Variants in B9D1 observed in about 807,000 individuals in gnomAD.
The protein encoded by B9D1 is B9 domain-containing protein 1.
In B9D1, 20 loss-of-function variants were observed where a neutral mutation model predicts 26.1. That is an observed-to-expected ratio of 0.77 (90% CI 0.54 to 1.12). B9D1 has a LOEUF of 1.12. Ranked by LOEUF, B9D1 falls within the 50% of genes most tolerant of loss-of-function variation. B9D1 has a pLI of 0.00. For synonymous variants in B9D1, 105 were observed against 103.1 expected (o/e 1.02, Z -0.11); for missense variants, 260 against 273.7 (o/e 0.95, Z 0.35).
chr17:19,364,338 C>T (rs937901056), upstream of B9D1: 1 of 152,122 alleles, frequency 6.6e-6, no homozygotes, highest in African/African-American at 2.4e-5. This position sits in a 1 kb window ranked among gnomAD's most constrained non-coding sequence, Gnocchi z 4.3. Flanking sequence ...GGTGACCAGG[C>T]CTAACTTTAA....
rs894937321 is a variant in B9D1 at position 19,347,009 on chromosome 17, A to G, written c.404+260T>C. The G allele has an allele frequency of 3.9e-6, 6 of 1,541,772 alleles. No individual in the cohort carries two copies. The African/African-American group carries it at 6.9e-5, about 18-fold the overall frequency. On this transcript the variant is annotated intron_variant, in intron 5 of 6. Coordinates refer to ENST00000261499, the MANE Select transcript of B9D1 (RefSeq NM_015681.6). This position sits in a 1 kb window ranked among gnomAD's most constrained non-coding sequence, Gnocchi z 4.3. ...GTCATGAGCATTTTTCCCATCTGAC[A>G]AGAGTTTTTCCTCTGCTCCCTCAGA...
In B9D1 at chr17:19,370,293, G is replaced by A. The variant is rs561885736; in HGVS notation, c.-298+7566C>T. On this transcript the variant is annotated intron_variant, in intron 1 of 5. Coordinates refer to the B9D1 transcript ENST00000477478. This position sits in a 1 kb window ranked among gnomAD's most constrained non-coding sequence, Gnocchi z 5.1. ...TCAGGGTGCACACGGGGGAGATGTC[G>A]TAGGACAACTGGGTGTTGGATCTGG... 8.5e-5 allele frequency among the ~76,000 whole-genome samples: 13 copies of A among 152,234 alleles called. No individual in the cohort carries two copies. The highest frequency in any genetic ancestry group is 3.2e-3 in the Middle Eastern group (1 of 316).
Position 19,343,877 on chromosome 17 carries a change from C to T in B9D1, c.405-20G>A. 1 of 1,613,664 alleles carries T rather than the reference C, an allele frequency of 6.2e-7. No individual in the cohort carries two copies. Among genetic ancestry groups the T allele is most frequent in the African/African-American group, 1.3e-5 (1 of 75,030 alleles). On this transcript the variant is annotated intron_variant, in intron 5 of 6. Transcript: ENST00000261499. The stretch of plus-strand genomic sequence containing the variant: ...AACCAGCTGGGAACACAGAAGAACA[C>T]AGGTGAGCAGGGCCCCACCTGGGCA...
upstream of B9D1, among the ~76,000 whole-genome samples, chr17:19,364,804 C>T (rs1042025844): frequency 6.6e-6 from 1 of 152,260 alleles, no homozygotes; most frequent in South Asian, 2.1e-4. This position sits in a 1 kb window ranked among gnomAD's most constrained non-coding sequence, Gnocchi z 4.3. Flanking sequence ...CTCTGGTACA[C>T]TCCCACGCAG....
chr17:19,346,772 A>G (rs1908858314), intron 5 of B9D1, among the ~76,000 whole-genome samples: 1 of 152,148 alleles, frequency 6.6e-6, no homozygotes, highest in African/African-American at 2.4e-5. Flanking sequence ...CTTCTCTAGC[A>G]TGCTAAGCTC....
downstream of B9D1, chr17:19,337,680 G>C (rs748384183): frequency 2.5e-5 from 38 of 1,523,158 alleles, no homozygotes; most frequent in Non-Finnish European, 8.8e-6. Context: ...ACAGAAGTCA[G>C]TGACTCAGGG....
At chr17:19,335,605 A>C, downstream of B9D1, 6 of 686,216 alleles carry the variant, frequency 8.7e-6, no homozygotes, top group African/African-American at 3.6e-5. Context: ...AACAGTCCCT[A>C]GGCTAAGACA....
intron 5 of B9D1, among the ~76,000 whole-genome samples, chr17:19,345,286 C>G (rs1014270686): frequency 6.6e-6 from 1 of 152,218 alleles, no homozygotes; most frequent in African/African-American, 2.4e-5. Flanking sequence ...GGTTGAAGTT[C>G]ATTCTGACAG....
chr17:19,366,674 C>G (rs1490537901), upstream of B9D1, among the ~76,000 whole-genome samples: 1 of 152,202 alleles, frequency 6.6e-6, no homozygotes, highest in Non-Finnish European at 1.5e-5. Context: ...TCTCAAAGGC[C>G]TTATAGGTCT....
At chr17:19,345,364 G>A (rs1253729755) in intron 5 of B9D1, among the ~76,000 whole-genome samples, 2 of 152,194 alleles carry the variant, frequency 1.3e-5, no homozygotes, top group East Asian at 3.9e-4. Flanking sequence ...TTCTTGCTAT[G>A]TGAAGACTAG....
downstream of B9D1, among the ~76,000 whole-genome samples, chr17:19,340,520 C>T (rs919008569): frequency 6.6e-6 from 1 of 150,578 alleles, no homozygotes; most frequent in Non-Finnish European, 1.5e-5. Context: ...TGGCTCATGC[C>T]TGTAATCCCA....
At chr17:19,336,037 G>A (rs1183024196), downstream of B9D1, 1 of 152,406 alleles carries the variant, frequency 6.6e-6, no homozygotes, top group Non-Finnish European at 1.5e-5. Context: ...ACCGGCACAG[G>A]AGAGATCTTA....
intron 1 of B9D1, among the ~76,000 whole-genome samples, chr17:19,373,727 A>G (rs1356052659): frequency 6.6e-6 from 1 of 151,996 alleles, no homozygotes; most frequent in Non-Finnish European, 1.5e-5. Flanking sequence ...GGGTTTCATC[A>G]TGTTGGCCAG....
chr17:19,336,843 C>G (rs1463890627), downstream of B9D1: 1 of 152,446 alleles, frequency 6.6e-6, no homozygotes, highest in African/African-American at 2.4e-5. Flanking sequence ...CAGCCTGGTC[C>G]TAGTGCCCGC....
At chr17:19,338,949 G>A (rs1037625745), downstream of B9D1, among the ~76,000 whole-genome samples, 1 of 152,206 alleles carries the variant, frequency 6.6e-6, no homozygotes, top group African/African-American at 2.4e-5. Context: ...GACAACTCAA[G>A]CACACACATA....
At chr17:19,348,590 A>T (rs1440989316) in intron 3 of B9D1, among the ~76,000 whole-genome samples, 2 of 152,192 alleles carry the variant, frequency 1.3e-5, no homozygotes, top group Non-Finnish European at 2.9e-5. Context: ...AGTGCTCAGT[A>T]AATGTTAGGG....
chr17:19,338,453 T>C (rs1907641761), downstream of B9D1, among the ~76,000 whole-genome samples: 1 of 152,244 alleles, frequency 6.6e-6, no homozygotes, highest in Non-Finnish European at 1.5e-5. Flanking sequence ...ATCAAAAATG[T>C]GGCAATCTTT....
intron 1 of B9D1, among the ~76,000 whole-genome samples, chr17:19,377,529 G>C (rs977502335): frequency 2.0e-5 from 3 of 152,214 alleles, no homozygotes; most frequent in Non-Finnish European, 4.4e-5. Flanking sequence ...AAGCCGCCTA[G>C]GAGTGAAACC....
rs200124070 is a variant in B9D1 at position 19,343,272 on chromosome 17, G to C, written c.*47C>G. 1 of 1,612,846 alleles carries C rather than the reference G, an allele frequency of 6.2e-7. No individual in the cohort carries two copies. Among genetic ancestry groups the C allele is most frequent in the South Asian group, 1.1e-5 (1 of 90,970 alleles). ...AGGCCGATGGGCAGCGGCTGACTTC[G>C]GGAAGGCAGCCCTTCATTATCAGAG... is the stretch of plus-strand genomic sequence containing the variant. On this transcript the variant is annotated 3_prime_UTR_variant, in exon 7 of 7. Transcript: ENST00000261499.
Sources: gnomAD v4.1 joint callset for allele counts (sites outside exome capture counted in the v4.1 genomes callset) on GRCh38, gnomAD v4.1.1 for gene constraint, Gnocchi (gnomAD v3.1) non-coding constraint, MANE v1.5 for transcripts, NCBI Gene and HGNC (gene_info 2026-07-23, HGNC 2026-07-21) for gene names.